ABCG2: variants seen among roughly 807,000 people sequenced by gnomAD.
ABCG2 encodes the protein ATP binding cassette subfamily G member 2 (JR blood group).
A neutral mutation model predicts 73.5 loss-of-function variants in ABCG2; 80 were observed. The observed-to-expected ratio is 1.09, with a 90% CI of 0.91 to 1.31. ABCG2 has a LOEUF of 1.31. Among genes scored for constraint, ABCG2 ranks in the 50% most tolerant of loss-of-function variants. The pLI is 0.00. For missense variants in ABCG2, 796 were observed against 786.2 expected, an observed-to-expected ratio of 1.01 and a Z score of -0.15; for synonymous variants, 269 against 282.4, an observed-to-expected ratio of 0.95 and a Z score of 0.48.
At chr4:88,139,135 C>T (rs1355421066) in intron 2 of ABCG2, among the ~76,000 whole-genome samples, 3 of 148,820 alleles carry the variant, frequency 2.0e-5, no homozygotes, top group African/African-American at 7.4e-5. Context: ...AGCGAGACTC[C>T]CTCTCAAAAA....
chr4:88,098,266 G>A (rs1722117727), intron 12 of ABCG2, among the ~76,000 whole-genome samples: 1 of 152,128 alleles, frequency 6.6e-6, no homozygotes, highest in Admixed American at 6.5e-5. Context: ...TTTGTCAAAT[G>A]GAAGGTTTAA....
At chr4:88,129,110 C>T (rs142988227) in intron 5 of ABCG2, among the ~76,000 whole-genome samples, 44 of 152,294 alleles carry the variant, frequency 2.9e-4, no homozygotes, top group African/African-American at 9.9e-4. Context: ...TCTCCCCTCC[C>T]AGCCTCCAGG....
chr4:88,123,476 G>A (rs1347946457), intron 5 of ABCG2, among the ~76,000 whole-genome samples: 2 of 152,042 alleles, frequency 1.3e-5, no homozygotes, highest in African/African-American at 4.8e-5. Flanking sequence ...TAAATGACCT[G>A]ATGAAGCTGA....
intron 1 of ABCG2, chr4:88,223,871 CATT>C (rs1560467000): frequency 4.3e-5 from 1 of 23,454 alleles, no homozygotes; most frequent in East Asian, 1.9e-3. Flanking sequence ...ACCAGAAAGG[CATT>C]TTTTTTTTTT....
intron 1 of ABCG2, among the ~76,000 whole-genome samples, chr4:88,146,990 GAA>G (rs1448722934): frequency 8.6e-6 from 1 of 116,144 alleles, no homozygotes; most frequent in African/African-American, 3.5e-5. Flanking sequence ...GAAGGAAAAA[GAA>G]AGAAAGAAGA....
intron 1 of ABCG2, among the ~76,000 whole-genome samples, chr4:88,223,049 A>G (rs1030413835): frequency 6.6e-6 from 1 of 152,222 alleles, no homozygotes; most frequent in Non-Finnish European, 1.5e-5. Context: ...ATTGTGGCCA[A>G]TTTGTCCCAT....
At position 88,131,176 on chromosome 4, in the gene ABCG2, T is replaced by C. The variant is rs1724844478; in HGVS notation, c.416A>G (p.Asn139Ser). 2 of 1,614,028 alleles carry C rather than the reference T, an allele frequency of 1.2e-6. No individual in the cohort carries two copies. The highest frequency in any genetic ancestry group is 8.5e-7 in the Non-Finnish European group (1 of 1,179,962). ...VVMGTLTVRE[N>S]LQFSAALRLA... ...CCGAAGAGCTGCTGAGAACTGTAAG[T>C]TTTCTCTCACCGTCAGAGTGCCCAT... Residue 139 changes from asparagine to serine, a missense_variant, in exon 5 of 16, where the codon AAC (asparagine) becomes AGC (serine). By Grantham distance (46) the Asn-to-Ser change is conservative. Coordinates refer to ENST00000237612, the MANE Select transcript of ABCG2 (RefSeq NM_004827.3).
intron 1 of ABCG2, among the ~76,000 whole-genome samples, chr4:88,191,765 A>G (rs1035136717): frequency 3.9e-5 from 6 of 152,238 alleles, no homozygotes; most frequent in Non-Finnish European, 7.3e-5. Context: ...ACAATAAAAA[A>G]TCGTTCAGCA....
intron 3 of ABCG2, among the ~76,000 whole-genome samples, chr4:88,132,158 A>G (rs916213161): frequency 3.9e-5 from 6 of 152,216 alleles, no homozygotes; most frequent in African/African-American, 1.2e-4. Context: ...ATAAAGCAAG[A>G]CACCATTGGC....
chr4:88,145,030 C>G (rs146517951), intron 1 of ABCG2, among the ~76,000 whole-genome samples: 1 of 150,362 alleles, frequency 6.7e-6, no homozygotes, highest in Non-Finnish European at 1.5e-5. Context: ...CCAGCTGGAA[C>G]TACTGCATTT....
chr4:88,191,937 G>A (rs1366704441), intron 1 of ABCG2, among the ~76,000 whole-genome samples: 3 of 152,140 alleles, frequency 2.0e-5, no homozygotes, highest in Non-Finnish European at 4.4e-5. Flanking sequence ...TTGGGAGGCC[G>A]AGGTAGGCAG....
upstream of ABCG2, among the ~76,000 whole-genome samples, chr4:88,162,137 C>T (rs544316413): frequency 4.1e-4 from 63 of 152,058 alleles, no homozygotes; most frequent in Non-Finnish European, 7.6e-4. Flanking sequence ...GCTTGAGCCC[C>T]GGGGTTCAAG....
At chr4:88,156,270 T>C (rs1236713682) in intron 1 of ABCG2, among the ~76,000 whole-genome samples, 1 of 144,328 alleles carries the variant, frequency 6.9e-6, no homozygotes, top group Non-Finnish European at 1.5e-5. Context: ...AGCTACTTGG[T>C]AGGCTGAGGC....
intron 1 of ABCG2, among the ~76,000 whole-genome samples, chr4:88,170,251 C>G (rs369556510): frequency 1.3e-5 from 2 of 152,070 alleles, no homozygotes; most frequent in Non-Finnish European, 2.9e-5. Context: ...TGTTTTAACA[C>G]TCTATTCCCT....
At chr4:88,231,279 G>A (rs1730455706) in exon 1 of ABCG2, 3 of 152,142 alleles carry the variant, frequency 2.0e-5, no homozygotes, top group South Asian at 2.1e-4. Flanking sequence ...GAAATGTCCC[G>A]AGTGAAATTA....
At chr4:88,153,535 T>A (rs190447792) in intron 1 of ABCG2, among the ~76,000 whole-genome samples, 1 of 131,574 alleles carries the variant, frequency 7.6e-6, no homozygotes, top group Non-Finnish European at 1.7e-5. Context: ...TCCTGAAGAT[T>A]GAGGATGGTA....
At chr4:88,143,655 A>T (rs190760725) in intron 1 of ABCG2, among the ~76,000 whole-genome samples, 2 of 152,254 alleles carry the variant, frequency 1.3e-5, no homozygotes, top group African/African-American at 4.8e-5. Flanking sequence ...ATTACTCAGG[A>T]GCTGTTTCAT....
intron 1 of ABCG2, among the ~76,000 whole-genome samples, chr4:88,148,331 T>C (rs1726191894): frequency 6.6e-6 from 1 of 152,176 alleles, no homozygotes; most frequent in South Asian, 2.1e-4. Flanking sequence ...AAAGCTGTTC[T>C]AGTAAAGGAA....
At chr4:88,187,093 C>CAAA (rs61116461) in intron 1 of ABCG2, among the ~76,000 whole-genome samples, 6 of 45,200 alleles carry the variant, frequency 1.3e-4, no homozygotes, top group African/African-American at 1.9e-4. Flanking sequence ...GATTCTGTCT[C>CAAA]AAAAAAAAAA....
Sources: allele counts gnomAD v4.1 joint callset (sites outside exome capture counted in the v4.1 genomes callset), GRCh38; gene constraint gnomAD v4.1.1; transcripts MANE v1.5; gene names NCBI Gene and HGNC (gene_info 2026-07-23, HGNC 2026-07-21).